LARP4B: variants seen among roughly 807,000 people sequenced by gnomAD.
LARP4B encodes La ribonucleoprotein 4B, also known as la-related protein 4B.
LARP4B carries 12 observed loss-of-function variants against 89.8 expected under a neutral mutation model. That is an observed-to-expected ratio of 0.13 (90% CI 0.09 to 0.22). The LOEUF is 0.22. Ranked by LOEUF, LARP4B falls within the 10% of genes least tolerant of loss-of-function variation. The probability of loss-of-function intolerance (pLI) is 1.00; values close to 1 mark genes in which losing one functional copy is unlikely to be tolerated. For missense variants in LARP4B, 757 were observed against 947.7 expected (o/e 0.80, Z 2.64); for synonymous variants, 367 against 363.3 (o/e 1.01, Z -0.12).
chr10:937,641 A>G, the LARP4B span, among the ~76,000 whole-genome samples: 16 of 152,302 alleles, frequency 1.1e-4, no homozygotes, highest in African/African-American at 3.6e-4. Context: ...TATTCCGGCT[A>G]AAATTCACAA....
intron 8 of LARP4B, 125 bp downstream of exon 8, chr10:836,278 T>C: frequency 1.6e-6 from 1 of 633,608 alleles, no homozygotes; most frequent in Non-Finnish European, 2.8e-6. Context: ...GGGAAAACAG[T>C]GTTAATGTAA....
rs368275247 is a variant in LARP4B at position 852,503 on chromosome 10, T to G, written c.431-7448A>C. Among the ~76,000 whole-genome samples, 295 of 152,286 alleles carry G rather than the reference T, an allele frequency of 1.9e-3. 1 individual carries two copies. The highest frequency in any genetic ancestry group is 6.7e-3 in the African/African-American group (277 of 41,556). On this transcript the variant is annotated intron_variant, in intron 5 of 17. Coordinates refer to ENST00000316157, the MANE Select transcript of LARP4B (RefSeq NM_015155.3). ...CATCAACATATAAAGGGCACAGACC[T>G]AAAACCACCACTAACGTTATACTTC...
the LARP4B span, chr10:986,458 T>A: frequency 1.3e-5 from 2 of 152,210 alleles, no homozygotes; most frequent in East Asian, 3.9e-4. Context: ...TAAAGAAGCT[T>A]GCTCCTAGTG....
At chr10:930,950 T>C (rs1254939749) in intron 1 of LARP4B, among the ~76,000 whole-genome samples, 1 of 149,680 alleles carries the variant, frequency 6.7e-6, no homozygotes, top group Non-Finnish European at 1.5e-5. Context: ...CTGGGGGCGC[T>C]CGCGGCCCGC....
intron 1 of LARP4B, among the ~76,000 whole-genome samples, chr10:908,003 C>T (rs1483914281): frequency 6.6e-6 from 1 of 152,150 alleles, no homozygotes; most frequent in Non-Finnish European, 1.5e-5. Flanking sequence ...GTTAGGAGTT[C>T]AAGACCAGCC....
upstream of LARP4B, among the ~76,000 whole-genome samples, chr10:935,946 G>A (rs957836436): frequency 6.6e-6 from 1 of 150,566 alleles, no homozygotes; most frequent in Admixed American, 6.6e-5. Context: ...GTTTCACCAT[G>A]TTGGTCAGGC....
chr10:869,246 A>T (rs1461304337), intron 3 of LARP4B, among the ~76,000 whole-genome samples: 2 of 152,238 alleles, frequency 1.3e-5, no homozygotes, highest in Non-Finnish European at 2.9e-5. Context: ...ATTTTTAGGT[A>T]AGTTTGTCTT....
At chr10:844,835 T>C in intron 6 of LARP4B, 142 bp downstream of exon 6, 1 of 540,234 alleles carries the variant, frequency 1.9e-6, no homozygotes, top group Non-Finnish European at 3.2e-6. Flanking sequence ...AAGACTGTCA[T>C]TACTCAATAT....
At chr10:847,659 G>C (rs764147968) in intron 5 of LARP4B, among the ~76,000 whole-genome samples, 1 of 151,820 alleles carries the variant, frequency 6.6e-6, no homozygotes, top group Non-Finnish European at 1.5e-5. Flanking sequence ...CCTGAGTAGC[G>C]GGGATTACAG....
intron 1 of LARP4B, among the ~76,000 whole-genome samples, chr10:928,633 G>A (rs1837220040): frequency 6.6e-6 from 1 of 152,216 alleles, no homozygotes; most frequent in African/African-American, 2.4e-5. Context: ...CCAGGATGGA[G>A]TGCAGTGGCA....
intron 1 of LARP4B, among the ~76,000 whole-genome samples, chr10:925,320 C>A (rs1284604521): frequency 6.6e-6 from 1 of 152,116 alleles, no homozygotes; most frequent in Non-Finnish European, 1.5e-5. Context: ...GAAAATGAAC[C>A]CTTTTCTTAC....
the LARP4B span, chr10:971,385 C>G: frequency 6.6e-6 from 1 of 151,992 alleles, no homozygotes; most frequent in African/African-American, 2.4e-5. Flanking sequence ...GAATGTGGAA[C>G]TGAATCGCAG....
At chr10:872,526 C>T (rs778795446) in intron 3 of LARP4B, among the ~76,000 whole-genome samples, 37 of 152,258 alleles carry the variant, frequency 2.4e-4, no homozygotes, top group Non-Finnish European at 1.8e-4. Context: ...TCAATACCAA[C>T]AGGGTTTCCA....
At chr10:900,618 C>CTTTTT (rs907868624) in intron 1 of LARP4B, among the ~76,000 whole-genome samples, 12,832 of 118,634 alleles carry the variant, frequency 0.11, 939 homozygotes, top group Non-Finnish European at 0.16. Flanking sequence ...GATATATTTC[C>CTTTTT]TTTTTTTTTT....
At chr10:826,290 C>A (rs1832617244) in intron 11 of LARP4B, among the ~76,000 whole-genome samples, 1 of 152,210 alleles carries the variant, frequency 6.6e-6, no homozygotes, top group African/African-American at 2.4e-5. Context: ...CCTGCACACC[C>A]ACTGCTGCTC....
chr10:839,099 T>G (rs183142113), intron 7 of LARP4B, among the ~76,000 whole-genome samples: 2 of 152,258 alleles, frequency 1.3e-5, no homozygotes, highest in African/African-American at 2.4e-5. Flanking sequence ...TGGCTTCCAG[T>G]GACTGGGGGA....
chr10:965,675 G>A, the LARP4B span, among the ~76,000 whole-genome samples: 1 of 151,642 alleles, frequency 6.6e-6, no homozygotes, highest in Non-Finnish European at 1.5e-5. Context: ...GCGCCAAGTC[G>A]TTCAAACATT....
chr10:873,538 G>A (rs1047281491), intron 3 of LARP4B: 2 of 420,124 alleles, frequency 4.8e-6, no homozygotes, highest in African/African-American at 2.2e-5. Context: ...TGGGATGGTG[G>A]TAACTAAATA....
At chr10:915,050 T>C (rs1228724713) in intron 1 of LARP4B, among the ~76,000 whole-genome samples, 1 of 152,244 alleles carries the variant, frequency 6.6e-6, no homozygotes, top group African/African-American at 2.4e-5. Flanking sequence ...CAGACTTTTC[T>C]TGGAGCACTG....
Sources: allele counts gnomAD v4.1 joint callset (sites outside exome capture counted in the v4.1 genomes callset), GRCh38; gene constraint gnomAD v4.1.1; transcripts MANE v1.5; gene names NCBI Gene and HGNC (gene_info 2026-07-23, HGNC 2026-07-21).